Variants in TP73 observed in about 807,000 individuals in gnomAD.
The protein encoded by TP73 is p53-like transcription factor.
In TP73, 25 loss-of-function variants were observed where a neutral mutation model predicts 62.5. The ratio of observed to expected loss-of-function variants is 0.40; its 90% CI spans 0.29 to 0.56. The LOEUF (loss-of-function observed/expected upper bound fraction) is 0.56. TP73 is among the 20% of genes least tolerant of loss of function. The probability of loss-of-function intolerance (pLI) is 0.46; values close to 1 mark genes in which losing one functional copy is unlikely to be tolerated. For missense variants in TP73, 754 were observed against 913.3 expected (o/e 0.83, Z 2.25); for synonymous variants, 423 against 377.5 (o/e 1.12, Z -1.40).
At chr1:3,664,716 A>G (rs1323821412) in intron 1 of TP73, among the ~76,000 whole-genome samples, 1 of 152,010 alleles carries the variant, frequency 6.6e-6, no homozygotes, top group East Asian at 1.9e-4. Flanking sequence ...TGACTGTGAG[A>G]TGGTTGGGGG....
At chr1:3,679,507 CTCTCTG>C (rs765615806) in intron 1 of TP73, among the ~76,000 whole-genome samples, 9 of 151,272 alleles carry the variant, frequency 5.9e-5, no homozygotes, top group Non-Finnish European at 7.4e-5. Context: ...CTCTCCCTGT[CTCTCTG>C]TCTCTGTCTC....
chr1:3,685,234 A>T (rs3765715), intron 3 of TP73, among the ~76,000 whole-genome samples: 28,633 of 152,092 alleles, frequency 0.19, 2,878 homozygotes, highest in Admixed American at 0.28. Flanking sequence ...TACATTCCTG[A>T]GTGGGTGGAG....
At chr1:3,724,393 C>G (rs927016243) in intron 6 of TP73, among the ~76,000 whole-genome samples, 4 of 151,800 alleles carry the variant, frequency 2.6e-5, no homozygotes, top group Admixed American at 6.6e-5. Context: ...CCCCAGGACA[C>G]CCCAGACTCC....
At chr1:3,709,641 C>T (rs1639970682) in intron 4 of TP73, among the ~76,000 whole-genome samples, 1 of 152,236 alleles carries the variant, frequency 6.6e-6, no homozygotes, top group Non-Finnish European at 1.5e-5. Context: ...GGCATCCTCA[C>T]CTGCACACCT....
At chr1:3,691,013 T>G (rs1570459545) in intron 3 of TP73, 2 of 1,546,230 alleles carry the variant, frequency 1.3e-6, no homozygotes, top group Admixed American at 2.0e-5. Flanking sequence ...CAGTGTAGGG[T>G]TCAGAGGGGC....
intron 1 of TP73, among the ~76,000 whole-genome samples, chr1:3,658,579 GGC>G (rs1419221580): frequency 1.3e-5 from 2 of 152,214 alleles, no homozygotes; most frequent in Non-Finnish European, 2.9e-5. Flanking sequence ...AATGCGTCTT[GGC>G]GCGCGGCTCT....
At chr1:3,688,355 G>C (rs1477340114) in intron 3 of TP73, among the ~76,000 whole-genome samples, 2 of 152,214 alleles carry the variant, frequency 1.3e-5, no homozygotes, top group Non-Finnish European at 2.9e-5. Context: ...GGGACCCTGT[G>C]CCATGAGTTT....
chr1:3,706,584 A>G (rs914025713), intron 3 of TP73, among the ~76,000 whole-genome samples: 6 of 152,102 alleles, frequency 3.9e-5, no homozygotes, highest in Non-Finnish European at 8.8e-5. Context: ...ATACATGTGC[A>G]GTCTTCCTCC....
chr1:3,732,665 G>A, intron 13 of TP73, 82 bp from the exon 14 acceptor site: 1 of 1,315,650 alleles, frequency 7.6e-7, no homozygotes, highest in Non-Finnish European at 1.0e-6. Context: ...GTGTGGTGTG[G>A]CCAGACCTCC....
intron 6 of TP73, among the ~76,000 whole-genome samples, chr1:3,724,370 C>T (rs1485782047): frequency 1.3e-5 from 2 of 151,700 alleles, no homozygotes; most frequent in African/African-American, 4.8e-5. Flanking sequence ...AGGTCCCCAT[C>T]CCTGTACCAG....
intron 3 of TP73, among the ~76,000 whole-genome samples, chr1:3,683,787 G>T (rs1454688272): frequency 6.6e-6 from 1 of 152,248 alleles, no homozygotes; most frequent in Non-Finnish European, 1.5e-5. Context: ...CTGTGCCTCT[G>T]ATTGGCCTGG....
intron 3 of TP73, among the ~76,000 whole-genome samples, chr1:3,702,637 G>A (rs1210787843): frequency 6.6e-6 from 1 of 152,214 alleles, no homozygotes; most frequent in African/African-American, 2.4e-5. Context: ...CAAGGCCCTG[G>A]GGCCCCAGCA....
chr1:3,728,366 G>T, intron 9 of TP73, 149 bp downstream of exon 9: 1 of 757,970 alleles, frequency 1.3e-6, no homozygotes, highest in South Asian at 1.9e-5. Context: ...CCAGAGGGCA[G>T]AACCTGCTTG....
intron 5 of TP73, among the ~76,000 whole-genome samples, chr1:3,723,086 G>T (rs1038279026): frequency 2.7e-5 from 4 of 149,854 alleles, no homozygotes; most frequent in Non-Finnish European, 5.9e-5. Flanking sequence ...CACTGGGCTG[G>T]GCACCTCTGC....
chr1:3,692,103 TTGCC>T (rs1645854766), intron 3 of TP73, among the ~76,000 whole-genome samples: 2 of 152,118 alleles, frequency 1.3e-5, no homozygotes, highest in Admixed American at 1.3e-4. Flanking sequence ...GTACACGTGT[TTGCC>T]TGTGTGTTGT....
intron 4 of TP73, among the ~76,000 whole-genome samples, chr1:3,716,440 C>T (rs377720463): frequency 2.8e-4 from 43 of 152,320 alleles, no homozygotes; most frequent in African/African-American, 8.9e-4. Flanking sequence ...GTCACTGCCT[C>T]GACCATGGGA....
intron 13 of TP73, 57 bp downstream of exon 13, chr1:3,731,613 G>C: frequency 6.7e-7 from 1 of 1,494,300 alleles, no homozygotes; most frequent in South Asian, 1.1e-5. Context: ...GCCCCTGTCC[G>C]GAGGGCAAAG....
At chr1:3,686,390 C>T (rs750194201) in intron 3 of TP73, among the ~76,000 whole-genome samples, 65 of 152,188 alleles carry the variant, frequency 4.3e-4, no homozygotes, top group Middle Eastern at 3.2e-3. Context: ...TTCTCTGAGC[C>T]TCCATGTCCT....
chr1:3,688,203 A>G (rs1303834306), intron 3 of TP73, among the ~76,000 whole-genome samples: 1 of 151,928 alleles, frequency 6.6e-6, no homozygotes, highest in African/African-American at 2.4e-5. Flanking sequence ...GAGAGCCCCC[A>G]CTCAGCCTTT....
Sources: allele counts gnomAD v4.1 joint callset (sites outside exome capture counted in the v4.1 genomes callset), GRCh38; gene constraint gnomAD v4.1.1; transcripts MANE v1.5; gene names NCBI Gene and HGNC (gene_info 2026-07-23, HGNC 2026-07-21).